RPS6KA3: variants seen among roughly 807,000 people sequenced by gnomAD.
RPS6KA3 encodes the protein ribosomal protein S6 kinase A3.
A neutral mutation model predicts 67.2 loss-of-function variants in RPS6KA3; 4 were observed. The observed-to-expected ratio is 0.06, with a 90% CI of 0.03 to 0.14. The LOEUF (loss-of-function observed/expected upper bound fraction) is 0.14, where lower values mean the gene tolerates loss of function less well. Among genes scored for constraint, RPS6KA3 ranks in the 10% least tolerant of loss-of-function variants. The pLI, the probability that RPS6KA3 is intolerant of heterozygous loss-of-function variation, is 1.00. For missense variants in RPS6KA3, 204 were observed against 559.0 expected (o/e 0.36, Z 6.40); for synonymous variants, 182 against 183.7 (o/e 0.99, Z 0.07).
At chrX:20,216,390 T>C (rs2068849855) in intron 2 of RPS6KA3, among the ~76,000 whole-genome samples, 1 of 111,390 alleles carries the variant, frequency 9.0e-6, no homozygotes, top group Non-Finnish European at 1.9e-5. Context: ...TAAACATTTA[T>C]TTTTGAGTAC....
At position 20,203,961 on chromosome X, in the gene RPS6KA3, C is replaced by A. The variant is rs2068510243; in HGVS notation, c.325+61G>T. 7 of 838,090 alleles carry A rather than the reference C, an allele frequency of 8.4e-6. No homozygotes were observed. In the South Asian group the frequency reaches 1.2e-4, roughly 15 times the overall value. 69.1% of individuals were successfully genotyped at this position (838,090 alleles called of 1,213,427 possible). ...AACATGCCAAGGAGTCCCATGAGCT[C>A]TATTGAGACCTTTCAGTTTGTTTAG... On this transcript the variant is annotated intron_variant, in intron 4 of 21. Transcript: ENST00000379565.
At chrX:20,266,957 G>C, upstream of RPS6KA3, 1 of 731,753 alleles carries the variant, frequency 1.4e-6, no homozygotes, top group Non-Finnish European at 1.6e-6. Context: ...CCCCCCCGCC[G>C]GTTCCCGCGC....
chrX:20,189,221 AG>A (rs1362735105), intron 7 of RPS6KA3, among the ~76,000 whole-genome samples: 1 of 111,191 alleles, frequency 9.0e-6, no homozygotes, highest in African/African-American at 3.3e-5. Context: ...CATATTCTCC[AG>A]GGTTTTCTCT....
intron 10 of RPS6KA3, among the ~76,000 whole-genome samples, chrX:20,180,545 G>C (rs2067818196): frequency 8.9e-6 from 1 of 111,881 alleles, no homozygotes; most frequent in Non-Finnish European, 1.9e-5. Context: ...CACCTGCAAA[G>C]ATGAGTAACT....
At chrX:20,249,132 T>G (rs1483158194) in intron 1 of RPS6KA3, among the ~76,000 whole-genome samples, 1 of 111,113 alleles carries the variant, frequency 9.0e-6, no homozygotes, top group Non-Finnish European at 1.9e-5. Flanking sequence ...CAAGCTGTTG[T>G]GTGTATCGAC....
chrX:20,216,127 A>C (rs756443804), intron 2 of RPS6KA3, among the ~76,000 whole-genome samples: 2 of 112,203 alleles, frequency 1.8e-5, no homozygotes, highest in Admixed American at 1.9e-4. Context: ...TCATTACCAC[A>C]AAAAACTTAC....
At chrX:20,193,869 T>G (rs1253777396) in intron 6 of RPS6KA3, among the ~76,000 whole-genome samples, 2 of 112,385 alleles carry the variant, frequency 1.8e-5, no homozygotes, top group Non-Finnish European at 3.8e-5. Flanking sequence ...ACAGTAACAT[T>G]TTAGAAATGA....
intron 2 of RPS6KA3, among the ~76,000 whole-genome samples, chrX:20,234,048 GAAC>G (rs2069343093): frequency 8.9e-6 from 1 of 112,020 alleles, no homozygotes; most frequent in Non-Finnish European, 1.9e-5. Context: ...ATTCAGGAGT[GAAC>G]AACAACAAAA....
At chrX:20,193,015 C>T (rs930370192) in intron 7 of RPS6KA3, among the ~76,000 whole-genome samples, 1 of 112,214 alleles carries the variant, frequency 8.9e-6, no homozygotes, top group African/African-American at 3.2e-5. Context: ...TGGTGGCTCA[C>T]GCCTGTAATC....
At chrX:20,175,800 G>A in intron 13 of RPS6KA3, among the ~76,000 whole-genome samples, 1 of 111,680 alleles carries the variant, frequency 9.0e-6, no homozygotes, top group African/African-American at 3.3e-5. Context: ...GTGGAACAGG[G>A]GAGATACAAG....
rs150471314 is a variant in RPS6KA3, at chrX:20,211,608, A to G, written c.127-2204T>C. 6.1e-4 allele frequency among the ~76,000 whole-genome samples: 68 copies of G among 111,406 alleles called. 1 individual carries two copies. Among genetic ancestry groups the G allele is most frequent in the African/African-American group, 1.9e-3 (58 of 30,741 alleles). On this transcript the variant is annotated intron_variant, in intron 2 of 21. Coordinates refer to ENST00000379565, the MANE Select transcript of RPS6KA3 (RefSeq NM_004586.3). Reference sequence around the variant, plus strand: ...AAACAAAACAAAACCTACACACACAATATTTGTATCCTTAAAATTATATAC... The same window carrying G: ...AAACAAAACAAAACCTACACACACAGTATTTGTATCCTTAAAATTATATAC...
chrX:20,204,150 A>G (rs1188410900), intron 3 of RPS6KA3, 47 bp from the exon 4 acceptor site: 1 of 839,066 alleles, frequency 1.2e-6, no homozygotes, highest in Admixed American at 2.2e-5. Flanking sequence ...AGTATAAACT[A>G]TATCCTTGTT....
chrX:20,209,393 A>G lies in RPS6KA3; in HGVS notation c.138T>C (p.Ser46=), dbSNP rs1408144291. 1 of 1,134,504 alleles carries G rather than the reference A, an allele frequency of 8.8e-7. No individual in the cohort carries two copies. Among genetic ancestry groups the G allele is most frequent in the African/African-American group, 1.8e-5 (1 of 56,388 alleles). 93.5% of individuals were successfully genotyped at this position (1,134,504 alleles called of 1,213,427 possible). ...EEINPQTEEV[S]IKEIAITHHV... ...GATGTGTGATTGCAATTTCTTTGAT[A>G]CTGACTTCTTCCTGTTGAGATAAAC... Residue 46 remains serine (S), a synonymous_variant, in exon 3 of 22, where the codon AGT becomes AGC. Coordinates refer to ENST00000379565, the MANE Select transcript of RPS6KA3 (RefSeq NM_004586.3).
chrX:20,155,131 GTTCA>G lies in RPS6KA3; in HGVS notation c.*263_*266del, dbSNP rs1290325617. 2.7e-6 allele frequency: 1 copy of G among 369,189 alleles called. No homozygotes were observed. Among genetic ancestry groups the G allele is most frequent in the Non-Finnish European group, 4.8e-6 (1 of 208,362 alleles). The allele number at this position is 369,189 out of a possible 1,213,427, so 30.4% of individuals were successfully genotyped here. ...GTGTATTTTTAGGTGGTATTCATAT[GTTCA>G]TTATTTTTCTCATTGATTCAGTGAC... is the stretch of plus-strand genomic sequence containing the variant. On this transcript the variant is annotated 3_prime_UTR_variant, in exon 22 of 22. Transcript: ENST00000379565.
chrX:20,260,921 GTTCT>G (rs1320413237), intron 1 of RPS6KA3, among the ~76,000 whole-genome samples: 1 of 112,151 alleles, frequency 8.9e-6, no homozygotes, highest in Non-Finnish European at 1.9e-5. Context: ...CAGAGCTTAT[GTTCT>G]TTAACACTTT....
chrX:20,183,333 A>T (rs1307355891), intron 10 of RPS6KA3, among the ~76,000 whole-genome samples: 1 of 110,401 alleles, frequency 9.1e-6, no homozygotes, highest in Non-Finnish European at 1.9e-5. Context: ...TCAGCCTCCC[A>T]AGTAGCTAGG....
intron 1 of RPS6KA3, among the ~76,000 whole-genome samples, chrX:20,238,544 C>T (rs1178147972): frequency 9.0e-6 from 1 of 111,168 alleles, no homozygotes; most frequent in Non-Finnish European, 1.9e-5. Flanking sequence ...CACGTCATCT[C>T]AAATTTTACA....
intron 15 of RPS6KA3, among the ~76,000 whole-genome samples, chrX:20,170,282 TTCAATTTTAAACAGCTTAGTA>T (rs1294597369): frequency 7.1e-5 from 8 of 112,078 alleles, no homozygotes; most frequent in Non-Finnish European, 1.9e-5. Flanking sequence ...CCTTTGTATG[TTCAATTTTAAACAGCTTAGTA>T]ATTAAGTATG....
At chrX:20,186,429 G>GT in intron 9 of RPS6KA3, 63 bp from the exon 10 acceptor site, 2 of 614,510 alleles carry the variant, frequency 3.3e-6, no homozygotes, top group Admixed American at 2.9e-5. Flanking sequence ...AGGCCAGAAG[G>GT]TAAAAAAAAA....
Sources: allele counts gnomAD v4.1 joint callset (sites outside exome capture counted in the v4.1 genomes callset), GRCh38; gene constraint gnomAD v4.1.1; transcripts MANE v1.5; gene names NCBI Gene and HGNC (gene_info 2026-07-23, HGNC 2026-07-21).